PDE1C: variants seen among roughly 807,000 people sequenced by gnomAD.
PDE1C encodes phosphodiesterase 1C, also known as dual specificity calcium/calmodulin-dependent 3',5'-cyclic nucleotide phosphodiesterase 1C.
Under a neutral mutation model 93.1 loss-of-function variants are expected in PDE1C, and 62 were observed. That is an observed-to-expected ratio of 0.67 (90% CI 0.54 to 0.82). The LOEUF (loss-of-function observed/expected upper bound fraction) is 0.82, where lower values mean the gene tolerates loss of function less well. Ranked by LOEUF, PDE1C falls within the 40% of genes least tolerant of loss-of-function variation. The probability of loss-of-function intolerance (pLI) is 0.00; values close to 1 mark genes in which losing one functional copy is unlikely to be tolerated. For missense variants in PDE1C, 742 were observed against 884.6 expected, an observed-to-expected ratio of 0.84 and a Z score of 2.04; for synonymous variants, 325 against 310.1, an observed-to-expected ratio of 1.05 and a Z score of -0.50.
upstream of PDE1C, among the ~76,000 whole-genome samples, chr7:32,302,023 A>G (rs2128902343): frequency 6.6e-6 from 1 of 152,346 alleles, no homozygotes; most frequent in Non-Finnish European, 1.5e-5. Flanking sequence ...GAACATAGCT[A>G]TGCTCATTTA....
At chr7:32,065,075 G>A (rs1445223081) in intron 1 of PDE1C, among the ~76,000 whole-genome samples, 1 of 148,462 alleles carries the variant, frequency 6.7e-6, no homozygotes, top group Non-Finnish European at 1.5e-5. Flanking sequence ...AGGAGCCGGG[G>A]GCCAGTGAGG....
intron 2 of PDE1C, among the ~76,000 whole-genome samples, chr7:32,179,123 T>C (rs4621704): frequency 0.21 from 32,468 of 152,128 alleles, 4,288 homozygotes; most frequent in Admixed American, 0.34. Flanking sequence ...ACACTGTGTT[T>C]ATTACTTTAT....
At chr7:31,620,044 G>A in the PDE1C span, among the ~76,000 whole-genome samples, 34 of 152,154 alleles carry the variant, frequency 2.2e-4, no homozygotes, top group Non-Finnish European at 4.1e-4. Flanking sequence ...AGGTGGCAGC[G>A]AGGCTGGGGG....
chr7:32,133,616 G>A (rs1226934402), intron 3 of PDE1C, among the ~76,000 whole-genome samples: 1 of 152,072 alleles, frequency 6.6e-6, no homozygotes, highest in Non-Finnish European at 1.5e-5. Context: ...TGAAATCTGA[G>A]TGACCACCCA....
At chr7:31,735,376 C>T in the PDE1C span, among the ~76,000 whole-genome samples, 1 of 149,090 alleles carries the variant, frequency 6.7e-6, no homozygotes, top group Admixed American at 6.7e-5. Context: ...CCAGCCTGGG[C>T]AACAAGAGTG....
intron 3 of PDE1C, among the ~76,000 whole-genome samples, chr7:32,124,581 T>C (rs1040338447): frequency 6.6e-6 from 1 of 152,088 alleles, no homozygotes; most frequent in Admixed American, 6.6e-5. Context: ...TTGATGAACC[T>C]GACAAAAACA....
intron 3 of PDE1C, among the ~76,000 whole-genome samples, chr7:32,154,455 T>C (rs893309022): frequency 1.3e-5 from 2 of 152,132 alleles, no homozygotes; most frequent in African/African-American, 4.8e-5. Context: ...TACAAGACTC[T>C]AGTACATTAT....
chr7:31,722,937 T>C, the PDE1C span, among the ~76,000 whole-genome samples: 8 of 152,242 alleles, frequency 5.3e-5, no homozygotes, highest in African/African-American at 1.9e-4. Context: ...ATATGTTTTC[T>C]CATATCTTCA....
At chr7:32,087,192 A>T (rs1478383261) in intron 3 of PDE1C, among the ~76,000 whole-genome samples, 2 of 148,758 alleles carry the variant, frequency 1.3e-5, no homozygotes, top group Non-Finnish European at 3.0e-5. Flanking sequence ...TGGGCGAAGG[A>T]TATGAATAGA....
At chr7:31,944,050 T>C (rs372038451) in intron 2 of PDE1C, among the ~76,000 whole-genome samples, 19 of 152,214 alleles carry the variant, frequency 1.2e-4, no homozygotes, top group African/African-American at 4.6e-4. Flanking sequence ...CCATTCTCAG[T>C]ACAATTATCT....
intron 1 of PDE1C, among the ~76,000 whole-genome samples, chr7:32,310,640 T>A (rs1295208572): frequency 6.6e-6 from 1 of 152,072 alleles, no homozygotes; most frequent in African/African-American, 2.4e-5. Flanking sequence ...AACAACCTGC[T>A]CCTGAATGAC....
At chr7:31,847,061 GT>G (rs1792728695) in intron 9 of PDE1C, among the ~76,000 whole-genome samples, 1 of 152,082 alleles carries the variant, frequency 6.6e-6, no homozygotes, top group African/African-American at 2.4e-5. Context: ...CGGATTCAGA[GT>G]TTTGTAAGGA....
chr7:31,830,071 T>A lies in PDE1C; in HGVS notation c.1204-1698A>T, dbSNP rs1443504172. The stretch of plus-strand genomic sequence containing the variant: ...TAACTCCTAATTCCACGAACTTGTC[T>A]ATACCCAAATATACACATAATTTAC... On this transcript the variant is annotated intron_variant, in intron 11 of 17. Transcript: ENST00000396191. Among the ~76,000 whole-genome samples the A allele has an allele frequency of 2.6e-5, 4 of 152,164 alleles. No homozygotes were observed. In the South Asian group the frequency reaches 8.3e-4, roughly 32 times the overall value.
chr7:31,773,140 T>C (rs1161319183), intron 17 of PDE1C, among the ~76,000 whole-genome samples: 1 of 152,234 alleles, frequency 6.6e-6, no homozygotes, highest in African/African-American at 2.4e-5. Flanking sequence ...TAGTACCAGT[T>C]ACACAGATTA....
intron 3 of PDE1C, among the ~76,000 whole-genome samples, chr7:32,132,785 G>T: frequency 6.6e-6 from 1 of 152,190 alleles, no homozygotes; most frequent in East Asian, 1.9e-4. Flanking sequence ...TTAGTAATCA[G>T]ATGAAAATGG....
chr7:32,239,803 C>G (rs944759504), intron 1 of PDE1C, among the ~76,000 whole-genome samples: 2 of 152,220 alleles, frequency 1.3e-5, no homozygotes, highest in Non-Finnish European at 2.9e-5. Context: ...AGGTTCCACT[C>G]CTTTTAGGCA....
the PDE1C span, among the ~76,000 whole-genome samples, chr7:31,682,208 C>A: frequency 1.3e-5 from 2 of 152,112 alleles, no homozygotes; most frequent in African/African-American, 4.8e-5. Context: ...ATGTAGTAAC[C>A]ACTTAAGCAC....
intron 2 of PDE1C, among the ~76,000 whole-genome samples, chr7:32,030,470 T>A (rs561803834): frequency 7.9e-5 from 12 of 152,200 alleles, no homozygotes; most frequent in Non-Finnish European, 1.5e-4. Context: ...GGTTATTTTT[T>A]AAAAAATTAG....
chr7:32,150,887 T>C (rs1451434263), intron 3 of PDE1C, among the ~76,000 whole-genome samples: 1 of 152,124 alleles, frequency 6.6e-6, no homozygotes, highest in Non-Finnish European at 1.5e-5. Flanking sequence ...ACAAAAACCA[T>C]GCAATGTAAC....
Sources: gnomAD v4.1 joint callset for allele counts (sites outside exome capture counted in the v4.1 genomes callset) on GRCh38, gnomAD v4.1.1 for gene constraint, MANE v1.5 for transcripts, NCBI Gene and HGNC (gene_info 2026-07-23, HGNC 2026-07-21) for gene names.